The following DPP10 variants were observed in gnomAD, a reference collection of about 807,000 sequenced individuals.
DPP10 encodes inactive dipeptidyl peptidase 10.
Under a neutral mutation model 120.9 loss-of-function variants are expected in DPP10, and 33 were observed. The observed-to-expected ratio is 0.27, with a 90% CI of 0.21 to 0.37. DPP10 has a LOEUF of 0.37. Ranked by LOEUF, DPP10 falls within the 10% of genes least tolerant of loss-of-function variation. The pLI, the probability that DPP10 is intolerant of heterozygous loss-of-function variation, is 1.00. For synonymous variants in DPP10, 337 were observed against 326.1 expected, an observed-to-expected ratio of 1.03 and a Z score of -0.36; for missense variants, 816 against 942.8, an observed-to-expected ratio of 0.87 and a Z score of 1.76.
At chr2:115,233,387 A>G (rs1185526372) in intron 1 of DPP10, among the ~76,000 whole-genome samples, 1 of 152,108 alleles carries the variant, frequency 6.6e-6, no homozygotes, top group Non-Finnish European at 1.5e-5. Context: ...TAGTTTTTTA[A>G]GACATGGTTC....
intron 3 of DPP10, among the ~76,000 whole-genome samples, chr2:115,400,192 G>C (rs2067967558): frequency 6.6e-6 from 1 of 152,194 alleles, no homozygotes; most frequent in East Asian, 1.9e-4. Context: ...GCCGCCTCCA[G>C]CACTGGGATT....
intron 5 of DPP10, among the ~76,000 whole-genome samples, chr2:115,630,160 T>G (rs1243268715): frequency 1.3e-5 from 2 of 152,140 alleles, no homozygotes; most frequent in Non-Finnish European, 2.9e-5. Context: ...TTACTCCTTT[T>G]GTAGCAATTG....
chr2:114,671,488 A>G (rs1031930333), intron 1 of DPP10, among the ~76,000 whole-genome samples: 1 of 152,122 alleles, frequency 6.6e-6, no homozygotes, highest in Non-Finnish European at 1.5e-5. Context: ...TGCTTCATGT[A>G]CAACCTGCAG....
At chr2:114,614,225 G>A (rs144333773) in intron 1 of DPP10, among the ~76,000 whole-genome samples, 5 of 152,146 alleles carry the variant, frequency 3.3e-5, no homozygotes, top group African/African-American at 7.2e-5. Flanking sequence ...CCACATCACC[G>A]GATTTTTGCA....
chr2:115,054,717 C>A (rs1449377862), intron 1 of DPP10, among the ~76,000 whole-genome samples: 3 of 152,042 alleles, frequency 2.0e-5, no homozygotes, highest in Non-Finnish European at 2.9e-5. Flanking sequence ...TCAAGAGCAG[C>A]CTGGCCAATA....
At chr2:115,729,956 A>G (rs1038125871) in intron 8 of DPP10, among the ~76,000 whole-genome samples, 1 of 152,214 alleles carries the variant, frequency 6.6e-6, no homozygotes, top group Admixed American at 6.5e-5. Flanking sequence ...AGTCTCCTTG[A>G]TATAATTGGG....
intron 2 of DPP10, among the ~76,000 whole-genome samples, chr2:115,328,723 A>G (rs1480568040): frequency 6.6e-6 from 1 of 152,098 alleles, no homozygotes; most frequent in Non-Finnish European, 1.5e-5. Context: ...GTCTAATCAC[A>G]TAACCTCTGT....
intron 1 of DPP10, among the ~76,000 whole-genome samples, chr2:114,578,901 A>G (rs1164879204): frequency 6.6e-6 from 1 of 152,134 alleles, no homozygotes; most frequent in Non-Finnish European, 1.5e-5. Flanking sequence ...TCAAAACTCA[A>G]ATATTAGTGA....
intron 7 of DPP10, among the ~76,000 whole-genome samples, chr2:115,721,376 T>C (rs968170593): frequency 6.6e-6 from 1 of 152,240 alleles, no homozygotes; most frequent in African/African-American, 2.4e-5. Context: ...GCCTTCAAGC[T>C]GCCCTATGGT....
At chr2:115,200,591 A>G (rs180837565) in intron 1 of DPP10, among the ~76,000 whole-genome samples, 181 of 152,346 alleles carry the variant, frequency 1.2e-3, no homozygotes, top group Non-Finnish European at 2.1e-3. Context: ...CAGGCACAGC[A>G]CTTGAGAAGG....
intron 1 of DPP10, among the ~76,000 whole-genome samples, chr2:114,669,372 C>T (rs1698164623): frequency 1.3e-5 from 2 of 152,072 alleles, no homozygotes; most frequent in South Asian, 2.1e-4. Context: ...CTACAGTAGT[C>T]AGTGTACATG....
At chr2:114,808,859 C>CAGAA (rs1684957060) in intron 1 of DPP10, among the ~76,000 whole-genome samples, 1 of 152,120 alleles carries the variant, frequency 6.6e-6, no homozygotes, top group Non-Finnish European at 1.5e-5. Context: ...TTCCACTCCC[C>CAGAA]ACCCCTAGTT....
chr2:115,415,771 C>T, intron 3 of DPP10, among the ~76,000 whole-genome samples: 1 of 143,862 alleles, frequency 7.0e-6, no homozygotes, highest in Admixed American at 7.2e-5. Context: ...AACTACGATT[C>T]TTGGCTTTAT....
intron 1 of DPP10, among the ~76,000 whole-genome samples, chr2:114,976,352 C>A (rs542754000): frequency 8.4e-4 from 128 of 152,246 alleles, no homozygotes; most frequent in Non-Finnish European, 1.5e-3. Flanking sequence ...AGATTCAATG[C>A]ATACTGCAAC....
intron 1 of DPP10, among the ~76,000 whole-genome samples, chr2:115,221,474 A>G (rs138148490): frequency 3.7e-4 from 56 of 152,284 alleles, no homozygotes; most frequent in African/African-American, 1.3e-3. Context: ...CACCATTACA[A>G]GGTAAGAGAA....
At chr2:115,362,771 A>G (rs931484858) in intron 3 of DPP10, among the ~76,000 whole-genome samples, 7 of 152,190 alleles carry the variant, frequency 4.6e-5, no homozygotes, top group Non-Finnish European at 2.9e-5. Context: ...CAGTTGATAC[A>G]TTGTTCTAGA....
intron 3 of DPP10, among the ~76,000 whole-genome samples, chr2:115,472,718 T>C (rs1237353420): frequency 1.3e-5 from 2 of 152,244 alleles, no homozygotes; most frequent in Non-Finnish European, 2.9e-5. Flanking sequence ...TTCATTTCTT[T>C]ATTTCAAGTA....
intron 10 of DPP10, among the ~76,000 whole-genome samples, chr2:115,752,398 TA>T (rs1678857545): frequency 6.6e-6 from 1 of 152,180 alleles, no homozygotes; most frequent in Non-Finnish European, 1.5e-5. Flanking sequence ...GGAAGATATA[TA>T]AACTTTCCAA....
intron 5 of DPP10, among the ~76,000 whole-genome samples, chr2:115,616,267 A>G (rs907355244): frequency 2.0e-5 from 3 of 152,128 alleles, no homozygotes; most frequent in African/African-American, 4.8e-5. Context: ...GTGCTAAGGA[A>G]TTTATATGTA....
Sources: allele counts gnomAD v4.1 joint callset (sites outside exome capture counted in the v4.1 genomes callset), GRCh38; gene constraint gnomAD v4.1.1; transcripts MANE v1.5; gene names NCBI Gene and HGNC (gene_info 2026-07-23, HGNC 2026-07-21).